The following LAMA3 variants were observed in gnomAD, a reference collection of about 807,000 sequenced individuals.
The protein encoded by LAMA3 is laminin subunit alpha 3, also known as laminin subunit alpha-3.
Under a neutral mutation model 402.0 loss-of-function variants are expected in LAMA3, and 281 were observed. The observed-to-expected ratio is 0.70, with a 90% CI of 0.63 to 0.77. The LOEUF is 0.77. Among genes scored for constraint, LAMA3 ranks in the 30% least tolerant of loss-of-function variants. LAMA3 has a pLI of 0.00. For missense variants in LAMA3, 3,840 were observed against 4,215.5 expected, an observed-to-expected ratio of 0.91 and a Z score of 2.47; for synonymous variants, 1,431 against 1,558.4, an observed-to-expected ratio of 0.92 and a Z score of 1.93.
chr18:23,841,503 A>G (rs1203254792), intron 27 of LAMA3, among the ~76,000 whole-genome samples: 1 of 152,152 alleles, frequency 6.6e-6, no homozygotes, highest in African/African-American at 2.4e-5. Flanking sequence ...ATGTGATGAG[A>G]ACTCCCCACT....
At chr18:23,746,652 G>C (rs537256658) in intron 2 of LAMA3, among the ~76,000 whole-genome samples, 1 of 152,028 alleles carries the variant, frequency 6.6e-6, no homozygotes, top group African/African-American at 2.4e-5. Context: ...TAAAATGTTT[G>C]TTATATTAAA....
intron 3 of LAMA3, 112 bp from the exon 4 acceptor site, chr18:23,749,316 T>C (rs986748133): frequency 1.5e-5 from 10 of 668,014 alleles, no homozygotes; most frequent in African/African-American, 3.6e-5. Context: ...TTAAATGCCT[T>C]TCTGTTTTTT....
At position 23,879,434 on chromosome 18, in the gene LAMA3, C is replaced by T. The variant is rs1443929337; in HGVS notation, c.5113-2502C>T. Among the ~76,000 whole-genome samples, 2 of 152,230 alleles carry T rather than the reference C, an allele frequency of 1.3e-5. No individual in the cohort carries two copies. Among genetic ancestry groups the T allele is most frequent in the Admixed American group, 6.5e-5 (1 of 15,288 alleles). On this transcript the variant is annotated intron_variant, in intron 39 of 74. Coordinates refer to ENST00000313654, the MANE Select transcript of LAMA3 (RefSeq NM_198129.4). The surrounding 1 kb of genome is among the most constrained non-coding windows in gnomAD (Gnocchi z 4.2). The stretch of plus-strand genomic sequence containing the variant: ...GCGGCCCTCGCAGGCAGCCCCTCCT[C>T]CTGCTCTCGTGGGATGCTGGCACAC...
chr18:23,847,360 T>C, intron 31 of LAMA3, 104 bp from the exon 32 acceptor site: 1 of 1,210,960 alleles, frequency 8.3e-7, no homozygotes, highest in Non-Finnish European at 1.2e-6. Context: ...AATATTTCTC[T>C]CTGACCCTTT....
chr18:23,906,050 C>T (rs1487926734), intron 52 of LAMA3, among the ~76,000 whole-genome samples: 3 of 152,150 alleles, frequency 2.0e-5, no homozygotes, highest in African/African-American at 7.2e-5. Context: ...CAAGCATGAG[C>T]CACCATGCCG....
chr18:23,813,174 T>G (rs1374059515), intron 14 of LAMA3, 71 bp downstream of exon 14: 3 of 1,017,114 alleles, frequency 2.9e-6, no homozygotes, highest in Non-Finnish European at 4.7e-6. Context: ...GGACTAACAG[T>G]GTGGGCACTT....
At chr18:23,903,270 A>G in intron 49 of LAMA3, 145 bp downstream of exon 49, 1 of 641,770 alleles carries the variant, frequency 1.6e-6, no homozygotes, top group Admixed American at 2.7e-5. Flanking sequence ...TGTTAACAAT[A>G]GTTCTCTCTT....
intron 59 of LAMA3, 80 bp downstream of exon 59, chr18:23,915,502 G>A (rs1235623493): frequency 7.3e-7 from 1 of 1,363,460 alleles, no homozygotes; most frequent in Non-Finnish European, 1.0e-6. Flanking sequence ...ATAAAGGATG[G>A]GCCAGTGAGA....
chr18:23,953,440 C>CA (rs1406112576), intron 74 of LAMA3, among the ~76,000 whole-genome samples: 1 of 149,956 alleles, frequency 6.7e-6, no homozygotes, highest in Non-Finnish European at 1.5e-5. Context: ...CTCCCAAGTT[C>CA]AAGCTATTCT....
chr18:23,732,450 T>A (rs1157467677), intron 2 of LAMA3, among the ~76,000 whole-genome samples: 1 of 152,152 alleles, frequency 6.6e-6, no homozygotes, highest in Non-Finnish European at 1.5e-5. Context: ...GCTAACTCTT[T>A]CCATTCCTTC....
At chr18:23,939,142 T>C in intron 67 of LAMA3, 81 bp from the exon 68 acceptor site, 2 of 1,430,842 alleles carry the variant, frequency 1.4e-6, no homozygotes, top group Admixed American at 3.3e-5. Flanking sequence ...GGATCAAGGG[T>C]GAAAATTAAG....
At chr18:23,926,789 A>G (rs1449191466) in intron 62 of LAMA3, among the ~76,000 whole-genome samples, 5 of 152,236 alleles carry the variant, frequency 3.3e-5, no homozygotes, top group Non-Finnish European at 5.9e-5. Context: ...CGAAGGGGAA[A>G]TGCCCTGGGG....
intron 12 of LAMA3, among the ~76,000 whole-genome samples, chr18:23,787,471 C>T (rs1472072879): frequency 1.3e-5 from 2 of 151,664 alleles, no homozygotes; most frequent in Non-Finnish European, 2.9e-5. Flanking sequence ...TAATGAACTC[C>T]AAATAGCATA....
chr18:23,731,704 G>T (rs781716915), intron 2 of LAMA3, among the ~76,000 whole-genome samples: 22 of 152,066 alleles, frequency 1.4e-4, no homozygotes, highest in Non-Finnish European at 2.6e-4. Flanking sequence ...CTTTAGCTGA[G>T]GATAAAGCTT....
intron 6 of LAMA3, among the ~76,000 whole-genome samples, chr18:23,754,162 C>T (rs1438337071): frequency 6.6e-6 from 1 of 152,150 alleles, no homozygotes; most frequent in Non-Finnish European, 1.5e-5. Context: ...GTATACATTT[C>T]AAATCCTTGT....
rs562211327 is a variant in LAMA3, at chr18:23,924,755, C to G, written c.8177+3170C>G. ...ACGGGGTTTTGCCATGTTGGTCTGGCTGGTCTCGAACTCCTGACCTCAGGT... is the reference window on the plus strand; with the variant it reads ...ACGGGGTTTTGCCATGTTGGTCTGGGTGGTCTCGAACTCCTGACCTCAGGT... On this transcript the variant is annotated intron_variant, in intron 62 of 74. Transcript: ENST00000313654. Among the ~76,000 whole-genome samples the G allele has an allele frequency of 4.6e-5, 7 of 152,086 alleles. No individual in the cohort carries two copies. The East Asian group carries it at 1.4e-3, about 29-fold the overall frequency.
intron 9 of LAMA3, 85 bp downstream of exon 9, chr18:23,773,672 A>AT (rs2143872065): frequency 1.2e-6 from 1 of 820,680 alleles, no homozygotes; most frequent in East Asian, 2.7e-5. Context: ...TCAGTTAATA[A>AT]CTTCCTTCAT....
chr18:23,939,312 T>C lies in LAMA3; in HGVS notation c.8952T>C (p.His2984=), dbSNP rs201972791. The C allele has an allele frequency of 8.1e-6, 13 of 1,614,048 alleles. No homozygotes were observed. The highest frequency in any genetic ancestry group is 1.1e-5 in the Non-Finnish European group (13 of 1,179,984). The part of the protein sequence containing the change: ...CSPLPKTQAN[H]GALQFGDIPT... ...CACTTCCCAAGACCCAGGCCAATCA[T>C]GGAGCCCTCCAGTTTGGGGACATTC... Residue 2984 remains histidine (H), a synonymous_variant, in exon 68 of 75, where the codon CAT becomes CAC. Transcript: ENST00000313654.
At chr18:23,853,523 C>T (rs917121236) in intron 32 of LAMA3, among the ~76,000 whole-genome samples, 3 of 152,198 alleles carry the variant, frequency 2.0e-5, no homozygotes, top group East Asian at 1.9e-4. Context: ...TCCACTGCCT[C>T]AGCCTCCCAA....
Sources: allele counts gnomAD v4.1 joint callset (sites outside exome capture counted in the v4.1 genomes callset), GRCh38; gene constraint gnomAD v4.1.1; non-coding constraint Gnocchi (gnomAD v3.1); transcripts MANE v1.5; gene names NCBI Gene and HGNC (gene_info 2026-07-23, HGNC 2026-07-21).